The following KIAA1217 variants were observed in gnomAD, a reference collection of about 807,000 sequenced individuals.
KIAA1217 encodes sickle tail protein homolog.
KIAA1217 carries 88 observed loss-of-function variants against 163.9 expected under a neutral mutation model. The ratio of observed to expected loss-of-function variants is 0.54; its 90% CI spans 0.45 to 0.64. The LOEUF (loss-of-function observed/expected upper bound fraction) is 0.64. Ranked by LOEUF, KIAA1217 falls within the 30% of genes least tolerant of loss-of-function variation. KIAA1217 has a pLI of 0.00. For synonymous variants in KIAA1217, 903 were observed against 923.1 expected, an observed-to-expected ratio of 0.98 and a Z score of 0.39; for missense variants, 2,372 against 2,475.0, an observed-to-expected ratio of 0.96 and a Z score of 0.88.
At chr10:24,013,408 A>G (rs1298223125) in intron 2 of KIAA1217, among the ~76,000 whole-genome samples, 1 of 152,070 alleles carries the variant, frequency 6.6e-6, no homozygotes, top group Non-Finnish European at 1.5e-5. Context: ...AAGCAGAAAC[A>G]CACATAAAAA....
chr10:23,977,443 G>A (rs942570524), intron 1 of KIAA1217, among the ~76,000 whole-genome samples: 6 of 152,134 alleles, frequency 3.9e-5, no homozygotes, highest in African/African-American at 1.4e-4. Context: ...GACAGAGTTA[G>A]ATGAGAGTGA....
chr10:23,943,251 A>C (rs939049307), intron 1 of KIAA1217, among the ~76,000 whole-genome samples: 1 of 152,246 alleles, frequency 6.6e-6, no homozygotes, highest in Admixed American at 6.5e-5. Context: ...TATTTCGAAA[A>C]TCCTAAGCAA....
chr10:23,829,184 A>G (rs1209537000), intron 1 of KIAA1217, among the ~76,000 whole-genome samples: 1 of 152,206 alleles, frequency 6.6e-6, no homozygotes, highest in African/African-American at 2.4e-5. Flanking sequence ...CATTGGCTGT[A>G]GGAAGATTAT....
chr10:24,136,205 C>G (rs1382242288), intron 2 of KIAA1217, among the ~76,000 whole-genome samples: 1 of 152,076 alleles, frequency 6.6e-6, no homozygotes, highest in Admixed American at 6.5e-5. Flanking sequence ...TCTGTATGCT[C>G]TGGAGGTCTA....
intron 1 of KIAA1217, among the ~76,000 whole-genome samples, chr10:23,849,391 C>T (rs1722875028): frequency 1.3e-5 from 2 of 152,058 alleles, no homozygotes; most frequent in Admixed American, 1.3e-4. Context: ...TGCTTATCCT[C>T]TCCTTGGGGC....
chr10:24,474,286 T>G (rs529583348), intron 6 of KIAA1217, among the ~76,000 whole-genome samples: 99 of 152,336 alleles, frequency 6.5e-4, no homozygotes, highest in African/African-American at 2.1e-3. Flanking sequence ...AGAAGACAGG[T>G]GCAGCAACAA....
chr10:23,872,046 A>G (rs1840479215), intron 1 of KIAA1217, among the ~76,000 whole-genome samples: 1 of 152,056 alleles, frequency 6.6e-6, no homozygotes, highest in Non-Finnish European at 1.5e-5. Flanking sequence ...CATGTTTATG[A>G]ATCTTTATAT....
At chr10:24,356,438 A>G (rs143341488) in intron 2 of KIAA1217, among the ~76,000 whole-genome samples, 2 of 152,198 alleles carry the variant, frequency 1.3e-5, no homozygotes, top group African/African-American at 4.8e-5. Flanking sequence ...GCTCCTGCCC[A>G]TTAGTCTAGG....
chr10:23,733,422 G>T (rs902346855), intron 1 of KIAA1217, among the ~76,000 whole-genome samples: 1 of 152,120 alleles, frequency 6.6e-6, no homozygotes. Flanking sequence ...ATTGTTTCCA[G>T]GGCTGTGAAG....
chr10:23,993,108 T>G (rs1279754878), intron 1 of KIAA1217, among the ~76,000 whole-genome samples: 1 of 143,972 alleles, frequency 6.9e-6, no homozygotes, highest in East Asian at 2.1e-4. Flanking sequence ...CTCGGCTCAC[T>G]GCAACTTCTG....
intron 1 of KIAA1217, among the ~76,000 whole-genome samples, chr10:23,871,018 CTTT>C (rs796387503): frequency 2.1e-5 from 3 of 144,434 alleles, no homozygotes; most frequent in Non-Finnish European, 4.6e-5. Flanking sequence ...TTTTTCTTTT[CTTT>C]TTTTTTTTCC....
At position 24,543,238 on chromosome 10, in the gene KIAA1217, C is replaced by G. The variant is rs199890594; in HGVS notation, c.3968C>G (p.Thr1323Ser). The change falls in exon 19 of 21, where the codon ACT becomes AGT. Residue 1323 changes from threonine to serine, a missense_variant. Thr to Ser is a moderately conservative substitution (Grantham distance 58). Transcript: ENST00000376454. ...GATAAGTGTCACGTTTCCTCTCACA[C>G]TAGACTAACAGAATCAAGCGTGCAT... The part of the protein sequence containing the change: ...NTDKCHVSSH[T>S]RLTESSVHDF... 2.5e-4 allele frequency: 406 copies of G among 1,613,704 alleles called. 5 individuals are homozygous for G. The South Asian group carries it at 3.7e-3, about 15-fold the overall frequency.
At chr10:24,404,378 C>T (rs1327162446) in intron 3 of KIAA1217, among the ~76,000 whole-genome samples, 8 of 151,888 alleles carry the variant, frequency 5.3e-5, no homozygotes, top group African/African-American at 9.7e-5. Context: ...ACCCTCCTGG[C>T]CAACATGGTG....
chr10:24,209,099 A>G, upstream of KIAA1217: 1 of 994,556 alleles, frequency 1.0e-6, no homozygotes, highest in South Asian at 1.3e-5. Context: ...CCTCCTCCCC[A>G]GCCCCGGGCC....
intron 3 of KIAA1217, among the ~76,000 whole-genome samples, chr10:24,409,484 C>T (rs1269069717): frequency 3.3e-5 from 5 of 151,774 alleles, no homozygotes; most frequent in Non-Finnish European, 7.4e-5. Flanking sequence ...CCCAAAGGAA[C>T]ATTTTAGGGT....
At chr10:24,442,913 T>A (rs967503163) in intron 5 of KIAA1217, among the ~76,000 whole-genome samples, 9 of 132,660 alleles carry the variant, frequency 6.8e-5, no homozygotes, top group Non-Finnish European at 1.4e-4. Flanking sequence ...TTTGTGGGAT[T>A]TTTTTTTTTT....
intron 3 of KIAA1217, among the ~76,000 whole-genome samples, chr10:24,382,839 C>CTTTTT (rs1251130955): frequency 5.3e-5 from 6 of 112,328 alleles, no homozygotes; most frequent in South Asian, 3.7e-4. Context: ...TGTGGTTTTT[C>CTTTTT]TTTTCTTTTT....
chr10:23,874,941 G>T (rs1840613743), intron 1 of KIAA1217, among the ~76,000 whole-genome samples: 1 of 152,030 alleles, frequency 6.6e-6, no homozygotes. Flanking sequence ...AGCTTCTGGT[G>T]AGGTCACAGG....
At chr10:24,480,148 A>G (rs1037841122) in intron 6 of KIAA1217, among the ~76,000 whole-genome samples, 14 of 152,366 alleles carry the variant, frequency 9.2e-5, no homozygotes, top group African/African-American at 3.1e-4. Flanking sequence ...AGACATCTCT[A>G]GATATTGTAA....
Sources: gnomAD v4.1 joint callset for allele counts (sites outside exome capture counted in the v4.1 genomes callset) on GRCh38, gnomAD v4.1.1 for gene constraint, MANE v1.5 for transcripts, NCBI Gene and HGNC (gene_info 2026-07-23, HGNC 2026-07-21) for gene names.